ANKMY1: variants seen among roughly 807,000 people sequenced by gnomAD.
ANKMY1 encodes the protein ankyrin repeat and MYND domain containing 1, also known as ankyrin repeat and MYND domain-containing protein 1.
ANKMY1 carries 98 observed loss-of-function variants against 102.0 expected under a neutral mutation model. That is an observed-to-expected ratio of 0.96 (90% confidence interval 0.82 to 1.14). The LOEUF (loss-of-function observed/expected upper bound fraction) is 1.14, where lower values mean the gene tolerates loss of function less well. ANKMY1 is among the 50% of genes most tolerant of loss of function. The pLI is 0.00. For missense variants in ANKMY1, 1,330 were observed against 1,347.6 expected (o/e 0.99, Z 0.20); for synonymous variants, 582 against 559.9 (o/e 1.04, Z -0.56).
intron 15 of ANKMY1, among the ~76,000 whole-genome samples, chr2:240,496,417 C>A (rs575541204): frequency 6.6e-6 from 1 of 150,456 alleles, no homozygotes. Flanking sequence ...GATAGATGTG[C>A]TTGATGGTGT....
intron 7 of ANKMY1, among the ~76,000 whole-genome samples, chr2:240,524,709 T>C (rs2083006160): frequency 6.6e-6 from 1 of 152,278 alleles, no homozygotes; most frequent in African/African-American, 2.4e-5. Context: ...GCCTTAATGA[T>C]GCTGCTTATA....
chr2:240,553,255 T>C (rs1388583478), intron 3 of ANKMY1, 198 bp from the exon 4 acceptor site: 6 of 618,662 alleles, frequency 9.7e-6, no homozygotes, highest in East Asian at 5.7e-5. Context: ...GTCAGCCTGA[T>C]AGCCAGGCTC....
rs2082027768 is a variant in ANKMY1 at position 240,520,595 on chromosome 2, G to A, written c.1833-62C>T. 7 of 1,535,830 alleles carry A rather than the reference G, an allele frequency of 4.6e-6. No individual in the cohort carries two copies. In the East Asian group the frequency reaches 9.2e-5, roughly 20 times the overall value. ...CAGGCACCTGCACTGCGCCCAGAAC[G>A]GGGCCATGCCAGCGAGGAGGCTGGG... is the stretch of plus-strand genomic sequence containing the variant. On this transcript the variant is annotated intron_variant, in intron 8 of 17. Transcript: ENST00000401804. This position sits in a 1 kb window ranked among gnomAD's most constrained non-coding sequence, Gnocchi z 4.8.
chr2:240,549,235 G>A (rs2091050960), intron 4 of ANKMY1, among the ~76,000 whole-genome samples: 1 of 151,056 alleles, frequency 6.6e-6, no homozygotes, highest in African/African-American at 2.4e-5. Flanking sequence ...TCTGATCTTT[G>A]ACAAACCTGA....
rs565176749 is a variant in ANKMY1 at position 240,527,107 on chromosome 2, G to A, written c.954-662C>T. The stretch of plus-strand genomic sequence containing the variant: ...GGATGGGTGGGTGGATGAATGGATG[G>A]GTGGGTGGGAAGATGGATGGATGGG... On this transcript the variant is annotated intron_variant, in intron 5 of 17. Transcript: ENST00000401804. The A allele has an allele frequency of 4.3e-4, 274 of 631,368 alleles. 1 individual carries two copies. The highest frequency in any genetic ancestry group is 1.8e-3 in the Admixed American group (28 of 15,822). The allele number at this position is 631,368 out of a possible 1,614,324, so 39.1% of individuals were successfully genotyped here.
chr2:240,515,843 G>A (rs149906579), intron 9 of ANKMY1, among the ~76,000 whole-genome samples: 2,801 of 151,156 alleles, frequency 0.019, 82 homozygotes, highest in African/African-American at 0.062. Context: ...TCAGCCTCCC[G>A]AGTAGCTGGG....
At chr2:240,555,749 G>A (rs923117564) in intron 2 of ANKMY1, among the ~76,000 whole-genome samples, 7 of 152,122 alleles carry the variant, frequency 4.6e-5, no homozygotes, top group Admixed American at 4.6e-4. Context: ...TGGCATCTCA[G>A]ACCACAAAAG....
At chr2:240,532,593 G>A (rs781756128) in intron 4 of ANKMY1, among the ~76,000 whole-genome samples, 1 of 152,178 alleles carries the variant, frequency 6.6e-6, no homozygotes, top group Non-Finnish European at 1.5e-5. Context: ...AGTTCTCAGA[G>A]AGACTAGATA....
intron 4 of ANKMY1, among the ~76,000 whole-genome samples, chr2:240,534,950 T>C (rs944206030): frequency 6.6e-6 from 1 of 152,054 alleles, no homozygotes; most frequent in Non-Finnish European, 1.5e-5. Flanking sequence ...AAAAATAAAA[T>C]TATCAGGGTG....
At chr2:240,545,831 G>A (rs2090241664) in intron 4 of ANKMY1, among the ~76,000 whole-genome samples, 2 of 152,150 alleles carry the variant, frequency 1.3e-5, no homozygotes, top group Non-Finnish European at 2.9e-5. Flanking sequence ...AAAGAAACGA[G>A]CAAAGCCTCC....
Position 240,520,378 on chromosome 2 carries a change from A to T in ANKMY1, c.1988T>A (p.Ile663Asn). The change falls in exon 9 of 18, where the codon ATC becomes AAC. Residue 663 changes from isoleucine (I) to asparagine (N), a missense_variant. Physicochemically the swap from Ile to Asn is moderately radical, Grantham distance 149. Transcript: ENST00000401804. The surrounding 1 kb of genome is among the most constrained non-coding windows in gnomAD (Gnocchi z 4.8). Reference sequence around the variant, plus strand: ...GGCTCCTACCTGCGGCGGAAAGCAGATGTCGGTCCTCGCCCCGTGCTCCAG... The same window carrying T: ...GGCTCCTACCTGCGGCGGAAAGCAGTTGTCGGTCCTCGCCCCGTGCTCCAG... ...LLLEHGARTD[I>N]CFPPQLSTLT... is the part of the protein sequence containing the mutation. The T allele has an allele frequency of 6.4e-7, 1 of 1,565,388 alleles. No individual in the cohort carries two copies. The highest frequency in any genetic ancestry group is 8.7e-7 in the Non-Finnish European group (1 of 1,154,820).
At chr2:240,492,794 A>G (rs2076801224) in intron 15 of ANKMY1, among the ~76,000 whole-genome samples, 1 of 151,984 alleles carries the variant, frequency 6.6e-6, no homozygotes, top group Non-Finnish European at 1.5e-5. Context: ...GGGTTCAAGC[A>G]ATTCTCCTGC....
chr2:240,560,590 G>T (rs2092889164), upstream of ANKMY1: 2 of 1,325,160 alleles, frequency 1.5e-6, no homozygotes. Flanking sequence ...GGCGCCCGGC[G>T]GCCCGCCCGG....
At chr2:240,553,129 C>T in intron 3 of ANKMY1, 72 bp from the exon 4 acceptor site, 1 of 1,547,654 alleles carries the variant, frequency 6.5e-7, no homozygotes, top group Middle Eastern at 1.8e-4. Flanking sequence ...GAGGCTGAGC[C>T]ACCATGCCTG....
At chr2:240,484,353 G>C (rs1391284573) in intron 15 of ANKMY1, among the ~76,000 whole-genome samples, 1 of 152,120 alleles carries the variant, frequency 6.6e-6, no homozygotes, top group Non-Finnish European at 1.5e-5. Context: ...CCAAAACAGA[G>C]ATATAGACCA....
the ANKMY1 span, among the ~76,000 whole-genome samples, chr2:240,470,139 T>C: frequency 6.6e-6 from 1 of 152,250 alleles, no homozygotes; most frequent in South Asian, 2.1e-4. Context: ...CAAGGCCCTC[T>C]GTCGAGAAAC....
Position 240,526,457 on chromosome 2 carries a change from A to G in ANKMY1, c.954-12T>C, listed in dbSNP as rs2083429846. On this transcript the variant is annotated splice_polypyrimidine_tract_variant and intron_variant, in intron 5 of 17. Coordinates refer to ENST00000401804, the MANE Select transcript of ANKMY1 (RefSeq NM_001282771.3). ...GAGCTGGCTTGTTCCTGGCAACACA[A>G]CAAGTTTCAGTGGTCCTAGACCAGG... is the stretch of plus-strand genomic sequence containing the variant. 6.2e-7 allele frequency: 1 copy of G among 1,613,956 alleles called. No individual in the cohort carries two copies. The highest frequency in any genetic ancestry group is 2.2e-5 in the East Asian group (1 of 44,874).
At chr2:240,469,081 C>G in the ANKMY1 span, among the ~76,000 whole-genome samples, 1 of 152,204 alleles carries the variant, frequency 6.6e-6, no homozygotes, top group Admixed American at 6.5e-5. Flanking sequence ...AGGTGAGCAG[C>G]CAGACACTCA....
At chr2:240,540,094 T>C (rs911500068) in intron 4 of ANKMY1, among the ~76,000 whole-genome samples, 1 of 152,236 alleles carries the variant, frequency 6.6e-6, no homozygotes, top group African/African-American at 2.4e-5. Context: ...ACTTAAAACA[T>C]TCCTTTGTGC....
Sources: gnomAD v4.1 joint callset for allele counts (sites outside exome capture counted in the v4.1 genomes callset) on GRCh38, gnomAD v4.1.1 for gene constraint, Gnocchi (gnomAD v3.1) non-coding constraint, MANE v1.5 for transcripts, NCBI Gene and HGNC (gene_info 2026-07-23, HGNC 2026-07-21) for gene names.